HERC1: variants seen among roughly 807,000 people sequenced by gnomAD.
HERC1 encodes HECT and RLD domain containing E3 ubiquitin protein ligase family member 1, also known as probable E3 ubiquitin-protein ligase HERC1.
In HERC1, 160 loss-of-function variants were observed where a neutral mutation model predicts 554.3. The ratio of observed to expected loss-of-function variants is 0.29; its 90% CI spans 0.25 to 0.33. The LOEUF (loss-of-function observed/expected upper bound fraction) is 0.33, where lower values mean the gene tolerates loss of function less well. Ranked by LOEUF, HERC1 falls within the 10% of genes least tolerant of loss-of-function variation. The pLI is 1.00. For synonymous variants in HERC1, 2,175 were observed against 2,131.7 expected, an observed-to-expected ratio of 1.02 and a Z score of -0.56; for missense variants, 4,919 against 5,918.5, an observed-to-expected ratio of 0.83 and a Z score of 5.54.
chr15:63,663,475 A>AGT (rs2070458106), intron 43 of HERC1, among the ~76,000 whole-genome samples: 1 of 152,202 alleles, frequency 6.6e-6, no homozygotes, highest in South Asian at 2.1e-4. Flanking sequence ...CTGTTTTTAG[A>AGT]GACAGGATCT....
At chr15:63,651,758 G>A (rs56163012) in intron 52 of HERC1, among the ~76,000 whole-genome samples, 11 of 152,268 alleles carry the variant, frequency 7.2e-5, no homozygotes, top group East Asian at 3.9e-4. Context: ...TAAAAATGCG[G>A]CTGGGCGTAG....
At chr15:63,812,265 C>A (rs1247341779) in intron 1 of HERC1, among the ~76,000 whole-genome samples, 3 of 152,178 alleles carry the variant, frequency 2.0e-5, no homozygotes, top group African/African-American at 7.2e-5. Context: ...GAAGACACAA[C>A]CTTCCATCTC....
intron 74 of HERC1, among the ~76,000 whole-genome samples, chr15:63,618,723 C>T (rs896409541): frequency 6.6e-6 from 1 of 152,170 alleles, no homozygotes; most frequent in African/African-American, 2.4e-5. Flanking sequence ...CTTCACATCC[C>T]TTGTAAGTTG....
intron 40 of HERC1, 148 bp from the exon 41 acceptor site, chr15:63,666,620 C>A: frequency 6.7e-6 from 4 of 593,658 alleles, no homozygotes; most frequent in Non-Finnish European, 1.2e-5. Context: ...CTGTGGCTCA[C>A]ACCTGTAATC....
At chr15:63,769,988 C>G (rs978553163) in intron 2 of HERC1, among the ~76,000 whole-genome samples, 17 of 152,174 alleles carry the variant, frequency 1.1e-4, no homozygotes, top group African/African-American at 4.1e-4. Flanking sequence ...TAAGATTAGA[C>G]GGAGTACATT....
chr15:63,683,930 A>T (rs1347857622), intron 34 of HERC1, among the ~76,000 whole-genome samples: 2 of 152,244 alleles, frequency 1.3e-5, no homozygotes, highest in African/African-American at 4.8e-5. Flanking sequence ...GCTCTAGGTT[A>T]TTTCAACCCA....
chr15:63,634,428 T>C (rs1000961758), intron 66 of HERC1, among the ~76,000 whole-genome samples: 6 of 152,340 alleles, frequency 3.9e-5, no homozygotes, highest in South Asian at 2.1e-4. Flanking sequence ...CAGGAGCTAC[T>C]AGTATCTGTA....
chr15:63,642,406 C>T (rs1347647969), intron 59 of HERC1, among the ~76,000 whole-genome samples: 4 of 152,144 alleles, frequency 2.6e-5, no homozygotes, highest in African/African-American at 4.8e-5. Flanking sequence ...GGCGCAGTCT[C>T]GGCTCACTGC....
chr15:63,786,661 A>C (rs2076456511), intron 1 of HERC1, among the ~76,000 whole-genome samples: 1 of 152,236 alleles, frequency 6.6e-6, no homozygotes, highest in Admixed American at 6.5e-5. Context: ...AAGGCTATAT[A>C]ATGTATGATT....
chr15:63,808,181 G>C (rs1332507492), intron 1 of HERC1, among the ~76,000 whole-genome samples: 4 of 151,174 alleles, frequency 2.6e-5, no homozygotes, highest in Non-Finnish European at 1.5e-5. Context: ...GTGACAAGCA[G>C]CTATAAGCAA....
intron 60 of HERC1, among the ~76,000 whole-genome samples, chr15:63,640,889 C>G (rs1473188630): frequency 6.6e-6 from 1 of 152,198 alleles, no homozygotes; most frequent in Non-Finnish European, 1.5e-5. Flanking sequence ...TTCTCACTTT[C>G]CTCCTTTATA....
chr15:63,629,284 A>AT (rs1238906477), intron 69 of HERC1, among the ~76,000 whole-genome samples: 1 of 152,178 alleles, frequency 6.6e-6, no homozygotes, highest in Non-Finnish European at 1.5e-5. Context: ...TTTCTTTATC[A>AT]TAACAGTCCT....
Position 63,694,815 on chromosome 15 carries a change from G to C in HERC1, c.5201C>G (p.Ala1734Gly). ...TGCTTGCAGGGCTCTTTCCAGGGTA[G>C]CAGACAACTGTTGATAAATTTTATG... is the stretch of plus-strand genomic sequence containing the variant. ...AVHKIYQQLSATLERALQANK... is the reference protein window; with the variant it reads ...AVHKIYQQLSGTLERALQANK... The change falls in exon 28 of 78, where the codon GCT (alanine) becomes GGT (glycine). Residue 1734 changes from alanine to glycine, a missense_variant. Around this residue, in one of 11 missense-constraint regions of HERC1, gnomAD observed 1,121 missense variants for 1,244.0 expected, o/e 0.90. Transcript: ENST00000443617. This position sits in a 1 kb window ranked among gnomAD's most constrained non-coding sequence, Gnocchi z 4.3. 1 of 1,613,862 alleles carries C rather than the reference G, an allele frequency of 6.2e-7. No homozygotes were observed. The highest frequency in any genetic ancestry group is 8.5e-7 in the Non-Finnish European group (1 of 1,179,806).
intron 3 of HERC1, among the ~76,000 whole-genome samples, chr15:63,762,253 C>T (rs1046300061): frequency 3.3e-5 from 5 of 152,162 alleles, no homozygotes; most frequent in African/African-American, 1.2e-4. Flanking sequence ...ACAACATGAC[C>T]TTCACTGCAG....
chr15:63,811,138 G>T (rs1567151713), intron 1 of HERC1, among the ~76,000 whole-genome samples: 1 of 152,136 alleles, frequency 6.6e-6, no homozygotes, highest in African/African-American at 2.4e-5. Context: ...AACTATAAAA[G>T]ATATGTGGGA....
At chr15:63,678,425 T>C in intron 36 of HERC1, 60 bp from the exon 37 acceptor site, 2 of 1,472,610 alleles carry the variant, frequency 1.4e-6, no homozygotes, top group South Asian at 2.9e-5. Context: ...TTAGTCACTA[T>C]AAATTCTAAC....
intron 34 of HERC1, among the ~76,000 whole-genome samples, chr15:63,685,997 A>G (rs910056310): frequency 6.6e-5 from 10 of 152,338 alleles, no homozygotes; most frequent in South Asian, 2.1e-4. Flanking sequence ...ACAGTTCCCT[A>G]TAAAAATTGT....
chr15:63,641,419 T>C, intron 60 of HERC1, 51 bp downstream of exon 60: 2 of 1,488,746 alleles, frequency 1.3e-6, no homozygotes, highest in Non-Finnish European at 1.8e-6. Flanking sequence ...ATAATCACAT[T>C]CCAAAGCACC....
chr15:63,708,757 C>T (rs910485664), intron 24 of HERC1, among the ~76,000 whole-genome samples: 11 of 152,096 alleles, frequency 7.2e-5, no homozygotes, highest in African/African-American at 4.8e-5. Flanking sequence ...AAGATATGAA[C>T]GGTAATCTTA....
Sources: gnomAD v4.1 joint callset for allele counts (sites outside exome capture counted in the v4.1 genomes callset) on GRCh38, gnomAD v4.1.1 for gene constraint, gnomAD v4.1.1 regional missense constraint, Gnocchi (gnomAD v3.1) non-coding constraint, MANE v1.5 for transcripts, NCBI Gene and HGNC (gene_info 2026-07-23, HGNC 2026-07-21) for gene names.